EGFR: variants seen among roughly 807,000 people sequenced by gnomAD.
EGFR encodes epidermal growth factor receptor.
A neutral mutation model predicts 143.0 loss-of-function variants in EGFR; 58 were observed. The observed-to-expected ratio is 0.41, with a 90% CI of 0.33 to 0.50. The LOEUF (loss-of-function observed/expected upper bound fraction) is 0.50, where lower values mean the gene tolerates loss of function less well. EGFR is among the 20% of genes least tolerant of loss of function. The pLI, the probability that EGFR is intolerant of heterozygous loss-of-function variation, is 0.39. For missense variants in EGFR, 1,307 were observed against 1,579.0 expected (o/e 0.83, Z 2.92); for synonymous variants, 613 against 594.4 (o/e 1.03, Z -0.45).
chr7:55,149,397 A>G (rs1333571021), intron 4 of EGFR, among the ~76,000 whole-genome samples: 1 of 152,118 alleles, frequency 6.6e-6, no homozygotes, highest in Non-Finnish European at 1.5e-5. Context: ...ACACACACAC[A>G]CACAAATATG....
chr7:55,132,320 T>A (rs1793893218), intron 1 of EGFR, among the ~76,000 whole-genome samples: 1 of 152,212 alleles, frequency 6.6e-6, no homozygotes, highest in South Asian at 2.1e-4. Context: ...GATCTTTTAT[T>A]TCCTTGCAAA....
In EGFR at chr7:55,169,827, G is replaced by C. The variant is rs1584215177; in HGVS notation, c.1881-1348G>C. ...CCCTACAAGTCTGTCACAGCTTCTT[G>C]TTAGCAATCCCTATGGTTGCCCAAA... On this transcript the variant is annotated intron_variant, in intron 15 of 27. Transcript: ENST00000275493. 2.0e-5 allele frequency among the ~76,000 whole-genome samples: 3 copies of C among 152,176 alleles called. No individual in the cohort carries two copies. The South Asian group carries it at 6.2e-4, about 32-fold the overall frequency.
intron 1 of EGFR, among the ~76,000 whole-genome samples, chr7:55,091,184 G>A (rs1051571263): frequency 6.6e-6 from 1 of 152,148 alleles, no homozygotes; most frequent in Non-Finnish European, 1.5e-5. Flanking sequence ...ACAATTTCAC[G>A]TTCTGAAAGA....
intron 1 of EGFR, among the ~76,000 whole-genome samples, chr7:55,056,681 T>C (rs1009939753): frequency 2.0e-5 from 3 of 152,238 alleles, no homozygotes; most frequent in Non-Finnish European, 4.4e-5. Context: ...CAGCTTTTGG[T>C]ATGGAAATAA....
chr7:55,033,725 G>C (rs1014908053), intron 1 of EGFR, among the ~76,000 whole-genome samples: 23 of 152,178 alleles, frequency 1.5e-4, no homozygotes, highest in African/African-American at 5.5e-4. Context: ...CAGGAGAAAG[G>C]CTCCACTTGG....
intron 22 of EGFR, among the ~76,000 whole-genome samples, chr7:55,194,244 T>G (rs1584260619): frequency 8.3e-6 from 1 of 119,820 alleles, no homozygotes; most frequent in Admixed American, 8.5e-5. Context: ...TTTTTTTTTT[T>G]GAGACAGAGT....
rs781668422 is a variant in EGFR, at chr7:55,205,407, T to C, written c.3423T>C (p.Thr1141=). Residue 1141 remains threonine, a synonymous_variant, in exon 28 of 28, where the codon ACT becomes ACC. Coordinates refer to ENST00000275493, the MANE Select transcript of EGFR (RefSeq NM_005228.5). The part of the protein sequence containing the change: ...TAVGNPEYLN[T]VQPTCVNSTF... ...TGGGCAACCCCGAGTATCTCAACAC[T>C]GTCCAGCCCACCTGTGTCAACAGCA... is the stretch of plus-strand genomic sequence containing the variant. 1.9e-6 allele frequency: 3 copies of C among 1,614,060 alleles called. No homozygotes were observed. Among genetic ancestry groups the C allele is most frequent in the South Asian group, 2.2e-5 (2 of 91,054 alleles).
chr7:55,058,772 A>G (rs931891214), intron 1 of EGFR, among the ~76,000 whole-genome samples: 1 of 152,164 alleles, frequency 6.6e-6, no homozygotes, highest in Admixed American at 6.5e-5. Flanking sequence ...TAATCTGTAC[A>G]ACAAACTACT....
At chr7:55,140,310 A>C (rs1162220546) in intron 1 of EGFR, among the ~76,000 whole-genome samples, 6 of 151,860 alleles carry the variant, frequency 4.0e-5, no homozygotes, top group African/African-American at 1.2e-4. Flanking sequence ...TCCTGAGGAA[A>C]CTCTTCTGCA....
chr7:55,193,209 G>C (rs896522503), intron 22 of EGFR, among the ~76,000 whole-genome samples: 1 of 152,146 alleles, frequency 6.6e-6, no homozygotes. Context: ...AAGCTTAATG[G>C]GGAATAGTTC....
At chr7:55,120,044 T>C (rs1793104515) in intron 1 of EGFR, among the ~76,000 whole-genome samples, 1 of 152,248 alleles carries the variant, frequency 6.6e-6, no homozygotes, top group Non-Finnish European at 1.5e-5. Context: ...GGTAGCCAGA[T>C]ACAAGTGAAA....
At chr7:55,052,480 C>T (rs1340045020) in intron 1 of EGFR, among the ~76,000 whole-genome samples, 2 of 152,190 alleles carry the variant, frequency 1.3e-5, no homozygotes, top group Non-Finnish European at 1.5e-5. Flanking sequence ...ATCAATCGAT[C>T]AATCAATCAA....
At chr7:55,159,887 G>T (rs1186258770) in intron 11 of EGFR, among the ~76,000 whole-genome samples, 1 of 152,096 alleles carries the variant, frequency 6.6e-6, no homozygotes, top group African/African-American at 2.4e-5. Context: ...TGACATTAAG[G>T]CATTTTATTC....
chr7:55,201,461 G>A lies in EGFR; in HGVS notation c.3114+106G>A, dbSNP rs1787847158. 2.7e-6 allele frequency: 4 copies of A among 1,509,198 alleles called. No individual in the cohort carries two copies. In the South Asian group the frequency reaches 4.7e-5, roughly 18 times the overall value. The allele number at this position is 1,509,198 out of a possible 1,614,324, so 93.5% of individuals were successfully genotyped here. On this transcript the variant is annotated intron_variant, in intron 25 of 27. Coordinates refer to ENST00000275493, the MANE Select transcript of EGFR (RefSeq NM_005228.5). ...CTAGTGAAACTCACATGGATATGAA[G>A]TCAATTTTAACCAAATGGTAAAATC...
At chr7:55,153,008 T>A (rs1289563238) in intron 6 of EGFR, among the ~76,000 whole-genome samples, 1 of 152,364 alleles carries the variant, frequency 6.6e-6, no homozygotes, top group Non-Finnish European at 1.5e-5. Context: ...CAAGTATTTG[T>A]CATGAATGTG....
intron 15 of EGFR, chr7:55,168,582 A>ACAATTT: frequency 2.5e-6 from 4 of 1,611,782 alleles, no homozygotes; most frequent in Non-Finnish European, 3.4e-6. Flanking sequence ...TTTCCTTTCT[A>ACAATTT]CAATTTCAAT....
At chr7:55,164,539 T>G (rs979794406) in intron 14 of EGFR, among the ~76,000 whole-genome samples, 1 of 152,306 alleles carries the variant, frequency 6.6e-6, no homozygotes, top group Middle Eastern at 3.4e-3. Flanking sequence ...TTGCATGGTG[T>G]TGGGTTAAAT....
chr7:55,118,352 T>C (rs1023879341), intron 1 of EGFR, among the ~76,000 whole-genome samples: 60 of 152,190 alleles, frequency 3.9e-4, no homozygotes, highest in African/African-American at 1.3e-3. Flanking sequence ...GTAATTCCTA[T>C]GTCCATTGGA....
At chr7:55,063,800 G>A (rs1789340291) in intron 1 of EGFR, among the ~76,000 whole-genome samples, 1 of 152,220 alleles carries the variant, frequency 6.6e-6, no homozygotes, top group Non-Finnish European at 1.5e-5. Flanking sequence ...AAGACCATCA[G>A]TGCGCTCCAC....
Sources: allele counts gnomAD v4.1 joint callset (sites outside exome capture counted in the v4.1 genomes callset), GRCh38; gene constraint gnomAD v4.1.1; transcripts MANE v1.5; gene names NCBI Gene and HGNC (gene_info 2026-07-23, HGNC 2026-07-21).